The following SLC25A12 variants were observed in gnomAD, a reference collection of about 807,000 sequenced individuals.
SLC25A12 encodes electrogenic aspartate/glutamate antiporter SLC25A12, mitochondrial.
SLC25A12 carries 32 observed loss-of-function variants against 83.3 expected under a neutral mutation model. The observed-to-expected ratio is 0.38, with a 90% confidence interval of 0.29 to 0.52. SLC25A12 has a LOEUF of 0.52. SLC25A12 is among the 20% of genes least tolerant of loss of function. The pLI is 0.84. For missense variants in SLC25A12, 611 were observed against 835.6 expected, an observed-to-expected ratio of 0.73 and a Z score of 3.31; for synonymous variants, 267 against 291.1, an observed-to-expected ratio of 0.92 and a Z score of 0.84.
At position 171,809,827 on chromosome 2, in the gene SLC25A12, G is replaced by T. The variant is rs563688401; in HGVS notation, c.1225-141C>A. The T allele has an allele frequency of 2.7e-5, 20 of 731,142 alleles. No homozygotes were observed. The East Asian group carries it at 5.3e-4, about 19-fold the overall frequency. The allele number at this position is 731,142 out of a possible 1,614,324, so 45.3% of individuals were successfully genotyped here. On this transcript the variant is annotated intron_variant, in intron 12 of 17. Transcript: ENST00000422440. ...AATGCTTACATGTAAAATTAAAGTT[G>T]TACAAATTCTGCGACAGTGTGCCAG... is the stretch of plus-strand genomic sequence containing the variant.
intron 4 of SLC25A12, chr2:171,845,789 C>T (rs1225442504): frequency 2.2e-6 from 1 of 454,876 alleles, no homozygotes; most frequent in Non-Finnish European, 4.4e-6. Context: ...TGGAAGAAGG[C>T]ATTGGATGTC....
chr2:171,887,209 C>T (rs1046838589), intron 2 of SLC25A12, among the ~76,000 whole-genome samples: 6 of 152,190 alleles, frequency 3.9e-5, no homozygotes, highest in South Asian at 2.1e-4. Flanking sequence ...AAGGAGGAAT[C>T]GCCCTTTGCT....
At chr2:171,813,619 G>A (rs1370973747) in intron 10 of SLC25A12, 122 bp from the exon 11 acceptor site, 4 of 1,127,230 alleles carry the variant, frequency 3.5e-6, no homozygotes, top group Non-Finnish European at 5.3e-6. Flanking sequence ...TCACAAAAGA[G>A]AGTTTATTAT....
chr2:171,785,923 C>T (rs932312531), intron 17 of SLC25A12, among the ~76,000 whole-genome samples: 11 of 152,128 alleles, frequency 7.2e-5, no homozygotes, highest in African/African-American at 2.7e-4. Context: ...AGCCACCACA[C>T]CCAGGCTGGT....
chr2:171,877,309 G>T (rs1228693868), intron 2 of SLC25A12, among the ~76,000 whole-genome samples: 1 of 152,154 alleles, frequency 6.6e-6, no homozygotes, highest in African/African-American at 2.4e-5. Context: ...CAACTGACTG[G>T]AATAAACTGG....
intron 2 of SLC25A12, among the ~76,000 whole-genome samples, chr2:171,878,968 T>C (rs2105926044): frequency 6.6e-6 from 1 of 152,350 alleles, no homozygotes; most frequent in East Asian, 1.9e-4. Context: ...ACAGCAGATC[T>C]GACACACAAA....
At chr2:171,867,566 G>T (rs1329172336) in intron 3 of SLC25A12, among the ~76,000 whole-genome samples, 1 of 152,194 alleles carries the variant, frequency 6.6e-6, no homozygotes, top group South Asian at 2.1e-4. Context: ...AGCCGAGATG[G>T]CAGCAGTACA....
intron 9 of SLC25A12, among the ~76,000 whole-genome samples, chr2:171,824,117 G>C (rs1684250911): frequency 6.6e-6 from 1 of 152,130 alleles, no homozygotes; most frequent in African/African-American, 2.4e-5. Flanking sequence ...CAGAGACCCA[G>C]GGAAGAAGAA....
chr2:171,815,956 C>T (rs1233632809), intron 9 of SLC25A12, among the ~76,000 whole-genome samples: 1 of 150,732 alleles, frequency 6.6e-6, no homozygotes, highest in Non-Finnish European at 1.5e-5. Flanking sequence ...TATAAAATTA[C>T]ACATAAGATG....
At chr2:171,814,885 C>G (rs1684017803) in intron 10 of SLC25A12, among the ~76,000 whole-genome samples, 1 of 152,178 alleles carries the variant, frequency 6.6e-6, no homozygotes, top group African/African-American at 2.4e-5. Flanking sequence ...AGCACTGCAT[C>G]CCAGACTTTC....
At chr2:171,867,429 G>C (rs534905446) in intron 3 of SLC25A12, among the ~76,000 whole-genome samples, 1 of 152,294 alleles carries the variant, frequency 6.6e-6, no homozygotes, top group South Asian at 2.1e-4. Flanking sequence ...TTAGGAGCTG[G>C]AGACCAGCCC....
chr2:171,856,055 G>C (rs1685038798), intron 3 of SLC25A12, 106 bp from the exon 4 acceptor site: 1 of 745,748 alleles, frequency 1.3e-6, no homozygotes, highest in South Asian at 1.5e-5. Flanking sequence ...CCAAATAATT[G>C]ATAAAGGGTA....
Position 171,802,153 on chromosome 2 carries a change from G to T in SLC25A12, c.1305+7453C>A, listed in dbSNP as rs145252308. Among the ~76,000 whole-genome samples the T allele has an allele frequency of 1.8e-3, 278 of 152,090 alleles. 2 individuals carry two copies. The highest frequency in any genetic ancestry group is 6.1e-3 in the African/African-American group (251 of 41,472). ...CTTACCCCATCTCCACCTAAAAAAG[G>T]GTCAAGCAATTTTAAAAAATTATTA... is the stretch of plus-strand genomic sequence containing the variant. On this transcript the variant is annotated intron_variant, in intron 13 of 17. Coordinates refer to ENST00000422440, the MANE Select transcript of SLC25A12 (RefSeq NM_003705.5).
At chr2:171,883,371 G>T (rs758732905) in intron 2 of SLC25A12, among the ~76,000 whole-genome samples, 1 of 152,120 alleles carries the variant, frequency 6.6e-6, no homozygotes, top group Non-Finnish European at 1.5e-5. Context: ...GAGCTCAAAA[G>T]GTTTCAAATG....
chr2:171,829,900 A>C (rs1684393836), intron 8 of SLC25A12, among the ~76,000 whole-genome samples: 1 of 152,222 alleles, frequency 6.6e-6, no homozygotes, highest in Non-Finnish European at 1.5e-5. Context: ...CCTAACTGGG[A>C]CTATAACACC....
chr2:171,823,908 T>C (rs757800192), intron 9 of SLC25A12, among the ~76,000 whole-genome samples: 4 of 150,558 alleles, frequency 2.7e-5, no homozygotes, highest in Non-Finnish European at 4.4e-5. Context: ...TGAACAGTGA[T>C]TGTGCCTGGC....
intron 2 of SLC25A12, among the ~76,000 whole-genome samples, chr2:171,882,620 T>A (rs1685720925): frequency 6.6e-6 from 1 of 152,240 alleles, no homozygotes; most frequent in Admixed American, 6.5e-5. Context: ...AGCCTACGCA[T>A]GTTTAACCAA....
intron 3 of SLC25A12, among the ~76,000 whole-genome samples, chr2:171,863,389 G>A (rs1685209116): frequency 6.6e-6 from 1 of 152,050 alleles, no homozygotes; most frequent in Non-Finnish European, 1.5e-5. Context: ...AGCCAAGCAT[G>A]GTGGCATGCA....
chr2:171,866,059 GC>G (rs1366017353), intron 3 of SLC25A12, among the ~76,000 whole-genome samples: 9 of 134,802 alleles, frequency 6.7e-5, no homozygotes, highest in African/African-American at 2.6e-4. Flanking sequence ...CGAGCATGCT[GC>G]CTTCAAGCAT....
Sources: gnomAD v4.1 joint callset for allele counts (sites outside exome capture counted in the v4.1 genomes callset) on GRCh38, gnomAD v4.1.1 for gene constraint, MANE v1.5 for transcripts, NCBI Gene and HGNC (gene_info 2026-07-23, HGNC 2026-07-21) for gene names.